Variants in RAB3GAP2 observed in about 807,000 individuals in gnomAD.
RAB3GAP2 encodes the protein rab3 GTPase-activating protein non-catalytic subunit.
A neutral mutation model predicts 185.3 loss-of-function variants in RAB3GAP2; 87 were observed. The ratio of observed to expected loss-of-function variants is 0.47; its 90% CI spans 0.39 to 0.56. The LOEUF (loss-of-function observed/expected upper bound fraction) is 0.56, where lower values mean the gene tolerates loss of function less well. Ranked by LOEUF, RAB3GAP2 falls within the 20% of genes least tolerant of loss-of-function variation. The pLI is 0.00. For synonymous variants in RAB3GAP2, 554 were observed against 576.1 expected (o/e 0.96, Z 0.55); for missense variants, 1,492 against 1,638.2 (o/e 0.91, Z 1.54).
chr1:220,256,824 A>G (rs1015045540), intron 1 of RAB3GAP2, among the ~76,000 whole-genome samples: 4 of 152,142 alleles, frequency 2.6e-5, no homozygotes, highest in Non-Finnish European at 5.9e-5. Flanking sequence ...ACACCAACTG[A>G]CAACATTAGA....
intron 18 of RAB3GAP2, 120 bp downstream of exon 18, chr1:220,185,531 A>G: frequency 1.4e-6 from 1 of 691,194 alleles, no homozygotes; most frequent in Non-Finnish European, 2.5e-6. Flanking sequence ...AATTTCTTAT[A>G]TCTATATTAC....
intron 28 of RAB3GAP2, among the ~76,000 whole-genome samples, chr1:220,161,914 CTTTAA>C (rs1168650472): frequency 6.6e-6 from 1 of 152,148 alleles, no homozygotes; most frequent in Non-Finnish European, 1.5e-5. Flanking sequence ...AATTTGTACA[CTTTAA>C]TTTAAAATAA....
intron 2 of RAB3GAP2, among the ~76,000 whole-genome samples, chr1:220,218,354 G>C (rs1033642159): frequency 1.5e-4 from 23 of 152,094 alleles, no homozygotes; most frequent in Non-Finnish European, 2.9e-4. Context: ...ATAAAAATAG[G>C]TTAGAAAATA....
At chr1:220,160,777 T>G (rs1322304024) in intron 28 of RAB3GAP2, among the ~76,000 whole-genome samples, 1 of 152,154 alleles carries the variant, frequency 6.6e-6, no homozygotes, top group East Asian at 1.9e-4. Context: ...TTCCCCTTGT[T>G]TTGTTATTTA....
At chr1:220,214,049 C>A in intron 2 of RAB3GAP2, 70 bp from the exon 3 acceptor site, 1 of 1,476,972 alleles carries the variant, frequency 6.8e-7, no homozygotes, top group South Asian at 1.1e-5. Flanking sequence ...TTGCCTGTCT[C>A]AAGGGGTGAG....
At chr1:220,215,262 A>G (rs898719460) in intron 2 of RAB3GAP2, among the ~76,000 whole-genome samples, 1 of 152,104 alleles carries the variant, frequency 6.6e-6, no homozygotes, top group African/African-American at 2.4e-5. Context: ...GGGAATGTGT[A>G]TTAGTAAATT....
chr1:220,207,149 T>A (rs12032536), intron 7 of RAB3GAP2, among the ~76,000 whole-genome samples: 12,496 of 152,244 alleles, frequency 0.082, 708 homozygotes, highest in African/African-American at 0.16. Flanking sequence ...ATCACTGCAA[T>A]AAACATTCTT....
rs116070194 is a variant in RAB3GAP2, at chr1:220,166,291, T to C, written c.3087+1002A>G. ...GAAGGAAGAGTATCGTTTCCATTAA[T>C]ATATTAGCATGAATTAGTTCATCTG... On this transcript the variant is annotated intron_variant, in intron 26 of 34. Transcript: ENST00000358951. Among the ~76,000 whole-genome samples the C allele has an allele frequency of 3.6e-3, 547 of 152,320 alleles. 4 individuals carry two copies. The highest frequency in any genetic ancestry group is 0.013 in the African/African-American group (522 of 41,570).
chr1:220,254,391 G>C, intron 1 of RAB3GAP2: 1 of 1,612,838 alleles, frequency 6.2e-7, no homozygotes, highest in Non-Finnish European at 8.5e-7. Flanking sequence ...GAGCAATGTT[G>C]GCCTATACAC....
At chr1:220,153,776 G>A (rs916111898) in intron 32 of RAB3GAP2, 192 bp downstream of exon 32, 2 of 605,616 alleles carry the variant, frequency 3.3e-6, no homozygotes, top group Non-Finnish European at 5.4e-6. Flanking sequence ...GACAGGCCCT[G>A]GTGTGTGATG....
chr1:220,195,432 A>C, intron 10 of RAB3GAP2, 55 bp from the exon 11 acceptor site: 1 of 1,427,788 alleles, frequency 7.0e-7, no homozygotes, highest in Non-Finnish European at 9.9e-7. Context: ...AGAAACAAAC[A>C]TACTTTCTAA....
At chr1:220,225,629 G>C (rs1659389423) in intron 2 of RAB3GAP2, among the ~76,000 whole-genome samples, 1 of 152,152 alleles carries the variant, frequency 6.6e-6, no homozygotes. Context: ...AGAATCACTA[G>C]GCTAGACTAA....
At chr1:220,184,616 T>C (rs546716719) in intron 18 of RAB3GAP2, among the ~76,000 whole-genome samples, 1 of 152,276 alleles carries the variant, frequency 6.6e-6, no homozygotes, top group African/African-American at 2.4e-5. Flanking sequence ...CTTATAGCCA[T>C]AATAAAACTG....
intron 7 of RAB3GAP2, among the ~76,000 whole-genome samples, chr1:220,209,854 T>A (rs944821557): frequency 6.6e-6 from 1 of 152,218 alleles, no homozygotes; most frequent in African/African-American, 2.4e-5. Context: ...ACAACCAAAA[T>A]GTTACAAGGC....
intron 8 of RAB3GAP2, 62 bp from the exon 9 acceptor site, chr1:220,202,436 A>C (rs1658880188): frequency 6.6e-7 from 1 of 1,504,766 alleles, no homozygotes. Context: ...TTTACAAAAA[A>C]ACATTAAAAC....
Position 220,151,581 on chromosome 1 carries a change from C to G in RAB3GAP2, c.4026+25G>C, listed in dbSNP as rs758691078. The G allele has an allele frequency of 5.0e-6, 8 of 1,601,400 alleles. 1 individual carries two copies. In the South Asian group the frequency reaches 8.8e-5, roughly 18 times the overall value. On this transcript the variant is annotated intron_variant, in intron 34 of 34. Transcript: ENST00000358951. The stretch of plus-strand genomic sequence containing the variant: ...CAAGAAAACATCCAATGACCTTTTG[C>G]CTGATCTCGTTCTATTGTACTGACC...
intron 1 of RAB3GAP2, among the ~76,000 whole-genome samples, chr1:220,243,164 C>T (rs763660307): frequency 6.6e-6 from 1 of 151,992 alleles, no homozygotes; most frequent in East Asian, 1.9e-4. Context: ...ACCATCCTGG[C>T]TAACATGGTG....
In RAB3GAP2 at chr1:220,221,809, T is replaced by G. The variant is rs542911197; in HGVS notation, c.181-7830A>C. Reference sequence around the variant, plus strand: ...AAATTGTAGTAATTAAATCAGTCTTTCAACTATAGCTGGCATTATAGGGAC... The same window carrying G: ...AAATTGTAGTAATTAAATCAGTCTTGCAACTATAGCTGGCATTATAGGGAC... On this transcript the variant is annotated intron_variant, in intron 2 of 34. Transcript: ENST00000358951. Among the ~76,000 whole-genome samples, 5 of 152,370 alleles carry G rather than the reference T, an allele frequency of 3.3e-5. No homozygotes were observed. The South Asian group carries it at 8.3e-4, about 25-fold the overall frequency.
intron 7 of RAB3GAP2, among the ~76,000 whole-genome samples, chr1:220,207,365 T>G (rs1031962359): frequency 1.3e-5 from 2 of 152,226 alleles, no homozygotes; most frequent in African/African-American, 4.8e-5. Context: ...AATCTTTATC[T>G]TTGCCAATCC....
Sources: gnomAD v4.1 joint callset for allele counts (sites outside exome capture counted in the v4.1 genomes callset) on GRCh38, gnomAD v4.1.1 for gene constraint, MANE v1.5 for transcripts, NCBI Gene and HGNC (gene_info 2026-07-23, HGNC 2026-07-21) for gene names.